The following DNAH3 variants were observed in gnomAD, a reference collection of about 807,000 sequenced individuals.
DNAH3 encodes axonemal beta dynein heavy chain 3.
Under a neutral mutation model 432.5 loss-of-function variants are expected in DNAH3, and 332 were observed. The observed-to-expected ratio is 0.77, with a 90% CI of 0.70 to 0.84. The LOEUF is 0.84. Ranked by LOEUF, DNAH3 falls within the 40% of genes least tolerant of loss-of-function variation. DNAH3 has a pLI of 0.00. For missense variants in DNAH3, 4,861 were observed against 5,114.0 expected, an observed-to-expected ratio of 0.95 and a Z score of 1.51; for synonymous variants, 1,956 against 1,900.2, an observed-to-expected ratio of 1.03 and a Z score of -0.76.
chr16:21,043,110 T>C (rs571523453), intron 31 of DNAH3, among the ~76,000 whole-genome samples: 9 of 152,146 alleles, frequency 5.9e-5, no homozygotes, highest in Middle Eastern at 3.4e-3. Context: ...TTTGCTATTG[T>C]GAATAATGCT....
At chr16:20,993,131 G>A (rs2086627782) in intron 44 of DNAH3, among the ~76,000 whole-genome samples, 1 of 152,072 alleles carries the variant, frequency 6.6e-6, no homozygotes, top group Admixed American at 6.6e-5. Flanking sequence ...CTCCCAAAGT[G>A]CTGGGTTTAC....
At chr16:21,085,527 C>CAAAAAAAAAAAAAAAAAAAAAAAAAAA (rs34136946) in intron 19 of DNAH3, among the ~76,000 whole-genome samples, 1 of 81,324 alleles carries the variant, frequency 1.2e-5, no homozygotes, top group Non-Finnish European at 2.4e-5. Context: ...GATTCCACCT[C>CAAAAAAAAAAAAAAAAAAAAAAAAAAA]AAAAAAAAAA....
chr16:21,134,458 C>T lies in DNAH3; in HGVS notation c.887-4G>A, dbSNP rs2092614288. 3.7e-6 allele frequency: 6 copies of T among 1,613,178 alleles called. No individual in the cohort carries two copies. The highest frequency in any genetic ancestry group is 5.1e-6 in the Non-Finnish European group (6 of 1,179,564). ...GGGTCCATGAGGATGTAATCAACTA[C>T]AACCGGAAAGGGCGAACACCTCATT... On this transcript the variant is annotated splice_polypyrimidine_tract_variant and splice_region_variant and intron_variant, in intron 6 of 61. Coordinates refer to ENST00000261383, the Ensembl canonical transcript of DNAH3.
chr16:21,069,589 C>T lies in DNAH3; in HGVS notation c.3207G>A (p.Trp1069Ter). The T allele has an allele frequency of 6.2e-7, 1 of 1,610,726 alleles. No homozygotes were observed. Among genetic ancestry groups the T allele is most frequent in the Non-Finnish European group, 8.5e-7 (1 of 1,178,638 alleles). Residue 1069 changes from tryptophan (W) to a stop codon, truncating the protein, a stop_gained, in exon 23 of 62, where the codon TGG becomes TGA. Transcript: ENST00000261383. LOFTEE classifies it high-confidence loss of function. ...CTTGTATGCGAATTAGCTTTTCTTC[C>T]CATTTCTGTGAATTTAGCATTTCAT...
chr16:20,991,538 A>G (rs891473922), intron 44 of DNAH3, among the ~76,000 whole-genome samples: 1 of 152,196 alleles, frequency 6.6e-6, no homozygotes, highest in African/African-American at 2.4e-5. Context: ...TGCTAGGATT[A>G]CAGACGTGAG....
intron 35 of DNAH3, among the ~76,000 whole-genome samples, chr16:21,035,465 T>C (rs568053825): frequency 2.6e-5 from 4 of 152,320 alleles, no homozygotes; most frequent in African/African-American, 4.8e-5. Context: ...TTTTTGTAAA[T>C]TGGTACTAAG....
chr16:21,154,023 G>A (rs898235673), intron 1 of DNAH3, among the ~76,000 whole-genome samples: 3 of 152,180 alleles, frequency 2.0e-5, no homozygotes, highest in African/African-American at 4.8e-5. Flanking sequence ...TGGTTTAGAC[G>A]GAAATGGGAA....
chr16:21,128,285 G>A (rs181532838), intron 7 of DNAH3, among the ~76,000 whole-genome samples: 1 of 152,098 alleles, frequency 6.6e-6, no homozygotes, highest in Non-Finnish European at 1.5e-5. Context: ...TTAAAACAAA[G>A]AGTTTATGGA....
In DNAH3 at chr16:21,075,294, T is replaced by C. The variant is rs777012137; in HGVS notation, c.3084+153A>G. ...CGGTGGTGCTGACAGGAAAGGTGAC[T>C]GACACAGAAAGGCAGACAGTAGGAA... On this transcript the variant is annotated intron_variant, in intron 21 of 61. Coordinates refer to ENST00000261383, the Ensembl canonical transcript of DNAH3. Among the ~76,000 whole-genome samples, 10 of 152,280 alleles carry C rather than the reference T, an allele frequency of 6.6e-5. No homozygotes were observed. In the South Asian group the frequency reaches 8.3e-4, roughly 13 times the overall value.
At position 20,952,342 on chromosome 16, in the gene DNAH3, G is replaced by C; in HGVS notation, c.11188+91C>G. On this transcript the variant is annotated intron_variant, in intron 56 of 61. Transcript: ENST00000261383. The stretch of plus-strand genomic sequence containing the variant: ...ATGTTTATGGTGAGGGAGGGAGGGA[G>C]TACATAAGTGAATGGAAATGGGAGG... 9.0e-6 allele frequency: 7 copies of C among 782,074 alleles called. No individual in the cohort carries two copies. The South Asian group carries it at 9.9e-5, about 11-fold the overall frequency. 48.4% of individuals were successfully genotyped at this position (782,074 alleles called of 1,614,324 possible).
At chr16:21,081,820 C>T in intron 19 of DNAH3, 93 bp from the exon 20 acceptor site, 1 of 1,023,536 alleles carries the variant, frequency 9.8e-7, no homozygotes. Context: ...TTTTTATCTG[C>T]ACTGCTCAGC....
chr16:21,118,180 G>A (rs1233409903), intron 11 of DNAH3, among the ~76,000 whole-genome samples: 1 of 151,780 alleles, frequency 6.6e-6, no homozygotes, highest in African/African-American at 2.4e-5. Context: ...TAGAGACAGA[G>A]CTTCACCATG....
At chr16:21,072,797 C>A (rs2090837283) in intron 21 of DNAH3, among the ~76,000 whole-genome samples, 1 of 150,118 alleles carries the variant, frequency 6.7e-6, no homozygotes, top group Non-Finnish European at 1.5e-5. Context: ...AGCTGGTGCA[C>A]ATCACCATAC....
rs530627251 is a variant in DNAH3 at position 21,049,067 on chromosome 16, C to T, written c.4461+502G>A. Among the ~76,000 whole-genome samples the T allele has an allele frequency of 6.6e-5, 10 of 152,006 alleles. 1 individual carries two copies. Among genetic ancestry groups the T allele is most frequent in the African/African-American group, 1.7e-4 (7 of 41,458 alleles). On this transcript the variant is annotated intron_variant, in intron 31 of 61. Coordinates refer to ENST00000261383, the Ensembl canonical transcript of DNAH3. The stretch of plus-strand genomic sequence containing the variant: ...GGAATGCAGTGGCGGCATCAAAGCT[C>T]ACTTCAGCCTCGAACTCCTGGGCTC...
intron 9 of DNAH3, among the ~76,000 whole-genome samples, chr16:21,124,499 G>T (rs1216171237): frequency 6.6e-6 from 1 of 152,002 alleles, no homozygotes; most frequent in Non-Finnish European, 1.5e-5. Context: ...AGCTGGACTG[G>T]ACTTCTTAAG....
At chr16:21,120,821 C>CAGT (rs1202270910) in exon 11 of DNAH3, 1 of 1,613,904 alleles carries the variant, frequency 6.2e-7, no homozygotes, top group Admixed American at 1.7e-5. Context: ...GCAGCAGCAG[C>CAGT]AGTGAAGGAG....
At chr16:20,948,765 C>A in intron 56 of DNAH3, 128 bp from the exon 57 acceptor site, 1 of 1,035,854 alleles carries the variant, frequency 9.7e-7, no homozygotes, top group Non-Finnish European at 1.4e-6. Context: ...GGACAGCAAG[C>A]AGGAAAATTC....
chr16:21,106,574 C>T (rs756543294), exon 15 of DNAH3: 5 of 1,612,366 alleles, frequency 3.1e-6, no homozygotes, highest in Non-Finnish European at 1.7e-6. Context: ...ACAGTGACAG[C>T]ACTGGATTTC....
chr16:21,135,043 T>C (rs2092623751), intron 6 of DNAH3, among the ~76,000 whole-genome samples: 1 of 152,286 alleles, frequency 6.6e-6, no homozygotes, highest in East Asian at 1.9e-4. Flanking sequence ...AGGTCATGGG[T>C]AATCCCCTGG....
Sources: allele counts gnomAD v4.1 joint callset (sites outside exome capture counted in the v4.1 genomes callset), GRCh38; gene constraint gnomAD v4.1.1; transcripts MANE v1.5; gene names NCBI Gene and HGNC (gene_info 2026-07-23, HGNC 2026-07-21).